The following CACNG2 variants were observed in gnomAD, a reference collection of about 807,000 sequenced individuals.
CACNG2 encodes the protein calcium voltage-gated channel auxiliary subunit gamma 2, also known as voltage-dependent calcium channel gamma-2 subunit.
A neutral mutation model predicts 25.9 loss-of-function variants in CACNG2; 3 were observed. That is an observed-to-expected ratio of 0.12 (90% confidence interval 0.05 to 0.30). CACNG2 has a LOEUF of 0.30. Among genes scored for constraint, CACNG2 ranks in the 10% least tolerant of loss-of-function variants. The pLI is 1.00. For synonymous variants in CACNG2, 167 were observed against 173.3 expected, an observed-to-expected ratio of 0.96 and a Z score of 0.29; for missense variants, 341 against 432.5, an observed-to-expected ratio of 0.79 and a Z score of 1.88.
intron 1 of CACNG2, among the ~76,000 whole-genome samples, chr22:36,626,209 C>A (rs533071193): frequency 9.9e-5 from 15 of 152,156 alleles, no homozygotes; most frequent in Non-Finnish European, 1.9e-4. Flanking sequence ...CGTGAGCCAC[C>A]GCACCCGGCG....
At position 36,563,077 on chromosome 22, in the gene CACNG2, T is replaced by C. The variant is rs1935056033; in HGVS notation, c.*1274A>G. Among the ~76,000 whole-genome samples the C allele has an allele frequency of 6.6e-6, 1 of 151,980 alleles. No homozygotes were observed. Among genetic ancestry groups the C allele is most frequent in the South Asian group, 2.1e-4 (1 of 4,830 alleles). On this transcript the variant is annotated 3_prime_UTR_variant, in exon 4 of 4. Coordinates refer to ENST00000300105, the MANE Select transcript of CACNG2 (RefSeq NM_006078.5). The stretch of plus-strand genomic sequence containing the variant: ...ACTATCTGATTTTCTTGCAAGTAAA[T>C]CCACTTATTTTGTATTTACATTTAT...
rs766737741 is a variant in CACNG2 at position 36,579,072 on chromosome 22, G to A, written c.295+8393C>T. ...AGCCAGAACTCCTCGCCATCCACAAGACCTCTCTCTTACTTCTCCCATCCA... is the reference window on the plus strand; with the variant it reads ...AGCCAGAACTCCTCGCCATCCACAAAACCTCTCTCTTACTTCTCCCATCCA... On this transcript the variant is annotated intron_variant, in intron 2 of 3. Transcript: ENST00000300105. 5.5e-4 allele frequency among the ~76,000 whole-genome samples: 84 copies of A among 152,074 alleles called. 1 individual carries two copies. The highest frequency in any genetic ancestry group is 3.2e-4 in the Non-Finnish European group (22 of 68,024).
intron 1 of CACNG2, among the ~76,000 whole-genome samples, chr22:36,671,618 AT>A (rs907471169): frequency 1.3e-5 from 2 of 152,102 alleles, no homozygotes; most frequent in African/African-American, 4.8e-5. Flanking sequence ...CCAACAAACA[AT>A]TTTTTTGGAT....
At chr22:36,626,298 T>C (rs1183120714) in intron 1 of CACNG2, among the ~76,000 whole-genome samples, 3 of 152,222 alleles carry the variant, frequency 2.0e-5, no homozygotes, top group Non-Finnish European at 2.9e-5. Context: ...TGACTTGTTT[T>C]AGTCTCTGAA....
chr22:36,695,018 C>G lies in CACNG2; in HGVS notation c.211+7348G>C, dbSNP rs139763494. ...ATCACTGGAGGTCAGGAGTTCGAGA[C>G]CAGCCTGGCAAACATAGTGACACCT... On this transcript the variant is annotated intron_variant, in intron 1 of 3. Coordinates refer to ENST00000300105, the MANE Select transcript of CACNG2 (RefSeq NM_006078.5). 8.0e-3 allele frequency among the ~76,000 whole-genome samples: 1,212 copies of G among 152,216 alleles called. 17 individuals carry two copies. Among genetic ancestry groups the G allele is most frequent in the African/African-American group, 0.028 (1,165 of 41,514 alleles).
intron 1 of CACNG2, among the ~76,000 whole-genome samples, chr22:36,684,094 C>T (rs1413023188): frequency 1.3e-5 from 2 of 152,180 alleles, no homozygotes; most frequent in Non-Finnish European, 2.9e-5. Flanking sequence ...CCATGTCTTT[C>T]AAACCCCGTG....
intron 1 of CACNG2, among the ~76,000 whole-genome samples, chr22:36,676,927 T>C (rs1229170369): frequency 7.1e-6 from 1 of 140,588 alleles, no homozygotes; most frequent in East Asian, 2.1e-4. Flanking sequence ...CTGCTTCTTC[T>C]AATATTGTGT....
At chr22:36,674,576 G>A (rs777931262) in intron 1 of CACNG2, among the ~76,000 whole-genome samples, 13 of 152,184 alleles carry the variant, frequency 8.5e-5, no homozygotes, top group Non-Finnish European at 1.6e-4. Flanking sequence ...CGATCCACCT[G>A]CCTTAGCCTT....
chr22:36,610,296 C>CCCTCA, intron 1 of CACNG2, among the ~76,000 whole-genome samples: 2 of 147,862 alleles, frequency 1.4e-5, no homozygotes, highest in Non-Finnish European at 3.0e-5. Flanking sequence ...AGGAATCAGC[C>CCCTCA]GCTTAGAGCG....
At chr22:36,608,057 G>T in intron 1 of CACNG2, among the ~76,000 whole-genome samples, 1 of 152,056 alleles carries the variant, frequency 6.6e-6, no homozygotes, top group East Asian at 1.9e-4. Flanking sequence ...GTGTAGGGAA[G>T]GAGAGGTCAG....
intron 1 of CACNG2, among the ~76,000 whole-genome samples, chr22:36,667,710 C>T (rs960318503): frequency 6.6e-6 from 1 of 152,138 alleles, no homozygotes; most frequent in Non-Finnish European, 1.5e-5. Context: ...AGCTACATTT[C>T]GCCTTCATGT....
rs1272767686 is a variant in CACNG2 at position 36,561,585 on chromosome 22, AG to A, written c.*2765del. ...GCAGGTGAGATGTGCAAGCTCAAAA[AG>A]CCTTACTAGCCATTCTCTAGAACTC... On this transcript the variant is annotated 3_prime_UTR_variant, in exon 4 of 4. Transcript: ENST00000300105. 3 of 152,228 alleles carry A rather than the reference AG, an allele frequency of 2.0e-5. No individual in the cohort carries two copies. Among genetic ancestry groups the A allele is most frequent in the Non-Finnish European group, 4.4e-5 (3 of 68,056 alleles). 9.4% of individuals were successfully genotyped at this position (152,228 alleles called of 1,614,324 possible). A position where few individuals can be genotyped will look rare whatever the true frequency, so the allele number is the denominator to read the frequency against.
Position 36,587,618 on chromosome 22 carries a change from C to T in CACNG2, c.212-70G>A, listed in dbSNP as rs566356280. On this transcript the variant is annotated intron_variant, in intron 1 of 3. Transcript: ENST00000300105. ...GGGGGCGCTTAGGGCCCACCTGCCTCTTCCCAACTTCTGGCTCTTTGGAAA... is the reference window on the plus strand; with the variant it reads ...GGGGGCGCTTAGGGCCCACCTGCCTTTTCCCAACTTCTGGCTCTTTGGAAA... 2.5e-5 allele frequency: 26 copies of T among 1,034,984 alleles called. No individual in the cohort carries two copies. In the East Asian group the frequency reaches 2.6e-4, roughly 10 times the overall value. The allele number at this position is 1,034,984 out of a possible 1,614,324, so 64.1% of individuals were successfully genotyped here.
chr22:36,571,961 G>C (rs1451876339), intron 2 of CACNG2, among the ~76,000 whole-genome samples: 1 of 151,962 alleles, frequency 6.6e-6, no homozygotes, highest in African/African-American at 2.4e-5. Flanking sequence ...GTAAAAGGTA[G>C]CAATTTTTAT....
At chr22:36,618,428 G>A (rs1191946301) in intron 1 of CACNG2, among the ~76,000 whole-genome samples, 1 of 152,238 alleles carries the variant, frequency 6.6e-6, no homozygotes, top group African/African-American at 2.4e-5. Flanking sequence ...CAGCTGTATG[G>A]CCTAAGCGCC....
Position 36,703,653 on chromosome 22 carries a change from C to T in CACNG2, c.-1077G>A, listed in dbSNP as rs547096302. 1.3e-5 allele frequency: 2 copies of T among 152,280 alleles called. No homozygotes were observed. The highest frequency in any genetic ancestry group is 4.1e-4 in the South Asian group (2 of 4,836). The allele number at this position is 152,280 out of a possible 1,614,324, so 9.4% of individuals were successfully genotyped here. A position where few individuals can be genotyped will look rare whatever the true frequency, so the allele number is the denominator to read the frequency against. On this transcript the variant is annotated 5_prime_UTR_variant, in exon 1 of 4. Coordinates refer to ENST00000300105, the MANE Select transcript of CACNG2 (RefSeq NM_006078.5). The stretch of plus-strand genomic sequence containing the variant: ...CCTCCCCGGGGCAGCAAGGCCAGCG[C>T]AGAGCGGGGGCCGCCTTTCCTCTTT...
intron 3 of CACNG2, among the ~76,000 whole-genome samples, chr22:36,565,682 G>C (rs1333069454): frequency 6.6e-6 from 1 of 152,158 alleles, no homozygotes; most frequent in African/African-American, 2.4e-5. Context: ...CGGTCTTGAG[G>C]CCTCGCTGTG....
intron 1 of CACNG2, among the ~76,000 whole-genome samples, chr22:36,679,201 T>TCTTTCTTTCTTTCTTTCTTTCTTTCTTA (rs2146000166): frequency 1.4e-5 from 1 of 69,466 alleles, no homozygotes; most frequent in African/African-American, 6.1e-5. Flanking sequence ...TTCCTTCCTT[T>TCTTTCTTTCTTTCTTTCTTTCTTTCTTA]CTTTCTTTCT....
At chr22:36,576,207 ATGACTAATGG>A (rs1935310194) in intron 2 of CACNG2, among the ~76,000 whole-genome samples, 1 of 152,236 alleles carries the variant, frequency 6.6e-6, no homozygotes, top group African/African-American at 2.4e-5. Flanking sequence ...ATAAAAAGGA[ATGACTAATGG>A]CATTTGCAGC....
Sources: gnomAD v4.1 joint callset for allele counts (sites outside exome capture counted in the v4.1 genomes callset) on GRCh38, gnomAD v4.1.1 for gene constraint, MANE v1.5 for transcripts, NCBI Gene and HGNC (gene_info 2026-07-23, HGNC 2026-07-21) for gene names.